The following GALNT6 variants were observed in gnomAD, a reference collection of about 807,000 sequenced individuals.
The protein encoded by GALNT6 is polypeptide N-acetylgalactosaminyltransferase 6, also known as GalNAc transferase 6.
Under a neutral mutation model 65.9 loss-of-function variants are expected in GALNT6, and 51 were observed. The observed-to-expected ratio is 0.77, with a 90% CI of 0.62 to 0.98. The LOEUF (loss-of-function observed/expected upper bound fraction) is 0.98, where lower values mean the gene tolerates loss of function less well. Among genes scored for constraint, GALNT6 ranks in the 50% least tolerant of loss-of-function variants. GALNT6 has a pLI of 0.00. For synonymous variants in GALNT6, 323 were observed against 315.1 expected, an observed-to-expected ratio of 1.02 and a Z score of -0.26; for missense variants, 708 against 803.3, an observed-to-expected ratio of 0.88 and a Z score of 1.43.
intron 10 of GALNT6, among the ~76,000 whole-genome samples, chr12:51,356,901 C>T (rs759977997): frequency 6.6e-6 from 1 of 152,186 alleles, no homozygotes; most frequent in Non-Finnish European, 1.5e-5. Context: ...CACACCACTC[C>T]TTTCCCCACT....
Position 51,358,183 on chromosome 12 carries a change from T to C in GALNT6, c.1447A>G (p.Asn483Asp). The C allele has an allele frequency of 1.2e-6, 2 of 1,614,062 alleles. No homozygotes were observed. Among genetic ancestry groups the C allele is most frequent in the Middle Eastern group, 1.6e-4 (1 of 6,062 alleles). ...HCHNFSWYLH[N>D]VYPEMFVPDL... ...GGAACAAACATCTCTGGGTAGACAT[T>C]GTGCAGGTACCAGGAAAAGTTGTGA... The change falls in exon 9 of 12, where the codon AAT becomes GAT. Residue 483 changes from asparagine to aspartate, a missense_variant. Transcript: ENST00000356317.
chr12:51,378,707 G>A (rs988759192), intron 3 of GALNT6, among the ~76,000 whole-genome samples: 4 of 152,192 alleles, frequency 2.6e-5, no homozygotes, highest in African/African-American at 7.2e-5. Flanking sequence ...CCATGGGGGC[G>A]TTAGAGGGAG....
At chr12:51,374,477 C>T (rs1947389744) in intron 4 of GALNT6, among the ~76,000 whole-genome samples, 1 of 152,172 alleles carries the variant, frequency 6.6e-6, no homozygotes, top group South Asian at 2.1e-4. Flanking sequence ...CACACTCAGC[C>T]CTTCCTTCCA....
chr12:51,364,170 G>T lies in GALNT6; in HGVS notation c.1000C>A (p.Leu334Ile). ...DWSLTFGWETLPPHEKQRRKD... is the reference protein window; with the variant it reads ...DWSLTFGWETIPPHEKQRRKD... ...CGCCTCTGCTTCTCATGTGGAGGAA[G>T]TGTTTCCCAGCCGAAGGTCAGGCTC... The change falls in exon 6 of 12, where the codon CTT becomes ATT. Residue 334 changes from leucine (L) to isoleucine (I), a missense_variant. By Grantham distance (5) the Leu-to-Ile change is conservative. Transcript: ENST00000356317. 6.2e-7 allele frequency: 1 copy of T among 1,614,208 alleles called. No individual in the cohort carries two copies. The highest frequency in any genetic ancestry group is 1.1e-5 in the South Asian group (1 of 91,084).
rs899542300 is a variant in GALNT6 at position 51,387,940 on chromosome 12, C to G, written c.-104+2910G>C. Among the ~76,000 whole-genome samples, 6 of 152,178 alleles carry G rather than the reference C, an allele frequency of 3.9e-5. No homozygotes were observed. The highest frequency in any genetic ancestry group is 8.8e-5 in the Non-Finnish European group (6 of 68,030). Reference sequence around the variant, plus strand: ...TCATCCCCCAGTCTGCTCTTGGCTGCAGAACTTTCACCCGGGGCCACTGGC... The same window carrying G: ...TCATCCCCCAGTCTGCTCTTGGCTGGAGAACTTTCACCCGGGGCCACTGGC... On this transcript the variant is annotated intron_variant, in intron 2 of 11. Transcript: ENST00000356317. This position sits in a 1 kb window ranked among gnomAD's most constrained non-coding sequence, Gnocchi z 4.2.
At chr12:51,382,973 G>A (rs766242263) in intron 2 of GALNT6, among the ~76,000 whole-genome samples, 1 of 152,190 alleles carries the variant, frequency 6.6e-6, no homozygotes, top group Non-Finnish European at 1.5e-5. Context: ...GGTGAAGGAA[G>A]CACCTGACCA....
chr12:51,370,363 G>A (rs534208255), intron 4 of GALNT6, among the ~76,000 whole-genome samples: 1 of 152,236 alleles, frequency 6.6e-6, no homozygotes, highest in East Asian at 1.9e-4. Context: ...TGACCAACAC[G>A]GAGAAACCCT....
At chr12:51,369,204 G>C (rs531562831) in intron 4 of GALNT6, among the ~76,000 whole-genome samples, 6 of 152,280 alleles carry the variant, frequency 3.9e-5, no homozygotes, top group South Asian at 2.1e-4. Flanking sequence ...TGAACCTCAG[G>C]GGGGGCCCCG....
At position 51,358,173 on chromosome 12, in the gene GALNT6, G is replaced by A; in HGVS notation, c.1457C>T (p.Pro486Leu). Residue 486 changes from proline (P) to leucine (L), a missense_variant, in exon 9 of 12, where the codon CCA becomes CTA. Physicochemically the swap from Pro to Leu is moderately conservative, Grantham distance 98 (BLOSUM62 -3). Coordinates refer to ENST00000356317, the MANE Select transcript of GALNT6 (RefSeq NM_007210.4). ...NFSWYLHNVY[P>L]EMFVPDLTPT... ...CGTCAGGTCAGGAACAAACATCTCT[G>A]GGTAGACATTGTGCAGGTACCAGGA... The A allele has an allele frequency of 1.2e-6, 2 of 1,614,044 alleles. No individual in the cohort carries two copies. Among genetic ancestry groups the A allele is most frequent in the Non-Finnish European group, 1.7e-6 (2 of 1,179,944 alleles).
At chr12:51,359,552 A>G in intron 7 of GALNT6, 1 of 450,654 alleles carries the variant, frequency 2.2e-6, no homozygotes, top group Non-Finnish European at 3.9e-6. Flanking sequence ...TGACTTAAGC[A>G]CAGGGAGACT....
At chr12:51,361,509 G>A (rs10783433) in intron 6 of GALNT6, among the ~76,000 whole-genome samples, 90,924 of 152,032 alleles carry the variant, frequency 0.6, 27,689 homozygotes, top group East Asian at 0.75. Context: ...AACAGTGGAA[G>A]GTCAGGTGAG....
chr12:51,367,029 G>A (rs575353239), intron 4 of GALNT6, among the ~76,000 whole-genome samples: 29 of 152,198 alleles, frequency 1.9e-4, no homozygotes, highest in Admixed American at 1.2e-3. Flanking sequence ...TTTGGGAGGC[G>A]GAGGCAGGTG....
chr12:51,360,755 A>C lies in GALNT6; in HGVS notation c.1133T>G (p.Ile378Ser). ...HIGTYDNQME[I>S]WGGENVEMSF... ...CATTTCCACGTTCTCCCCTCCCCAGATCTCCATCTGATTATCATAGGTACC... is the reference window on the plus strand; with the variant it reads ...CATTTCCACGTTCTCCCCTCCCCAGCTCTCCATCTGATTATCATAGGTACC... Residue 378 changes from isoleucine to serine, a missense_variant, in exon 7 of 12, where the codon ATC (isoleucine) becomes AGC (serine). Coordinates refer to ENST00000356317, the MANE Select transcript of GALNT6 (RefSeq NM_007210.4). 1 of 1,612,684 alleles carries C rather than the reference A, an allele frequency of 6.2e-7. No homozygotes were observed. The highest frequency in any genetic ancestry group is 2.2e-5 in the East Asian group (1 of 44,886).
At chr12:51,383,698 A>G (rs571442241) in intron 2 of GALNT6, 39 of 152,326 alleles carry the variant, frequency 2.6e-4, no homozygotes, top group African/African-American at 9.1e-4. Context: ...GGTACTAACC[A>G]CATCCTGAAC....
chr12:51,352,234 G>C lies in GALNT6; in HGVS notation c.*2145C>G, dbSNP rs1475519067. ...CGGGTCTGCTCCCCATGGGGGCTTT[G>C]ATGTGGGCCCAGCAGTGGATCAGCC... On this transcript the variant is annotated 3_prime_UTR_variant, in exon 12 of 12. Coordinates refer to ENST00000356317, the MANE Select transcript of GALNT6 (RefSeq NM_007210.4). 1 of 152,280 alleles carries C rather than the reference G, an allele frequency of 6.6e-6. No homozygotes were observed. Among genetic ancestry groups the C allele is most frequent in the East Asian group, 1.9e-4 (1 of 5,190 alleles). The allele number at this position is 152,280 out of a possible 1,614,324, so 9.4% of individuals were successfully genotyped here.
At chr12:51,389,054 C>T (rs1181961107) in intron 2 of GALNT6, among the ~76,000 whole-genome samples, 1 of 152,216 alleles carries the variant, frequency 6.6e-6, no homozygotes, top group Non-Finnish European at 1.5e-5. Context: ...ACAATTACAA[C>T]ATTGAGCTCG....
intron 8 of GALNT6, 74 bp from the exon 9 acceptor site, chr12:51,358,335 C>G: frequency 6.5e-7 from 1 of 1,530,070 alleles, no homozygotes; most frequent in East Asian, 2.3e-5. Flanking sequence ...GAGTCTCACT[C>G]TGTTGCCCAG....
intron 4 of GALNT6, among the ~76,000 whole-genome samples, chr12:51,376,791 T>C (rs1947470987): frequency 6.6e-6 from 1 of 152,084 alleles, no homozygotes; most frequent in Non-Finnish European, 1.5e-5. Flanking sequence ...GGAAGTTTGG[T>C]GAGCAACCCC....
At chr12:51,377,126 G>A in intron 4 of GALNT6, 69 bp downstream of exon 4, 3 of 1,382,824 alleles carry the variant, frequency 2.2e-6, no homozygotes, top group Non-Finnish European at 3.1e-6. Flanking sequence ...CCCTTGAAAG[G>A]AACTGCCCTC....
Sources: gnomAD v4.1 joint callset for allele counts (sites outside exome capture counted in the v4.1 genomes callset) on GRCh38, gnomAD v4.1.1 for gene constraint, Gnocchi (gnomAD v3.1) non-coding constraint, MANE v1.5 for transcripts, NCBI Gene and HGNC (gene_info 2026-07-23, HGNC 2026-07-21) for gene names.